TCL1A: variants seen among roughly 807,000 people sequenced by gnomAD.
TCL1A encodes the protein T-cell leukemia/lymphoma protein 1A.
Under a neutral mutation model 16.9 loss-of-function variants are expected in TCL1A, and 9 were observed. The observed-to-expected ratio is 0.53, with a 90% CI of 0.32 to 0.93. The LOEUF is 0.93. TCL1A is among the 40% of genes least tolerant of loss of function. TCL1A has a pLI of 0.04. For missense variants in TCL1A, 139 were observed against 153.0 expected, an observed-to-expected ratio of 0.91 and a Z score of 0.48; for synonymous variants, 69 against 63.2, an observed-to-expected ratio of 1.09 and a Z score of -0.44.
intron 1 of TCL1A, 77 bp downstream of exon 1, chr14:95,713,870 C>G (rs553861137): frequency 2.5e-6 from 4 of 1,584,688 alleles, no homozygotes; most frequent in Non-Finnish European, 3.4e-6. Flanking sequence ...TCCTTGAGTC[C>G]TCGCCCTTCC....
rs529737544 is a variant in TCL1A at position 95,713,934 on chromosome 14, A to C, written c.120+13T>G. The C allele has an allele frequency of 1.2e-6, 2 of 1,612,972 alleles. No homozygotes were observed. The highest frequency in any genetic ancestry group is 1.7e-4 in the Middle Eastern group (1 of 6,060). ...CCCTGCTGCCTCGCCATCCGCTCCA[A>C]AGCTGGCTGTACCTCGATGGTTAAG... On this transcript the variant is annotated intron_variant, in intron 1 of 3. Coordinates refer to ENST00000402399, the MANE Select transcript of TCL1A (RefSeq NM_021966.3).
intron 1 of TCL1A, chr14:95,712,876 T>C (rs1033127469): frequency 1.8e-5 from 6 of 327,774 alleles, no homozygotes; most frequent in Admixed American, 8.3e-5. Context: ...TGCTAGTGGG[T>C]TATTTTTTGT....
intron 1 of TCL1A, chr14:95,712,628 C>T (rs1886390081): frequency 6.8e-7 from 1 of 1,477,346 alleles, no homozygotes; most frequent in South Asian, 1.2e-5. Flanking sequence ...TCTAGCCACC[C>T]AGACAGGGCC....
chr14:95,713,638 G>C, intron 1 of TCL1A, among the ~76,000 whole-genome samples: 1 of 152,302 alleles, frequency 6.6e-6, no homozygotes, highest in African/African-American at 2.4e-5. Flanking sequence ...GAGTCACTTA[G>C]AGATACCCAT....
chr14:95,713,778 C>G (rs1006407353), intron 1 of TCL1A, among the ~76,000 whole-genome samples, 169 bp downstream of exon 1: 1 of 152,218 alleles, frequency 6.6e-6, no homozygotes, highest in Admixed American at 6.5e-5. Flanking sequence ...TCTTCCCTGC[C>G]TGGAGAACTC....
At chr14:95,713,777 C>G (rs2139723757) in intron 1 of TCL1A, among the ~76,000 whole-genome samples, 170 bp downstream of exon 1, 1 of 152,322 alleles carries the variant, frequency 6.6e-6, no homozygotes, top group African/African-American at 2.4e-5. Flanking sequence ...TTCTTCCCTG[C>G]CTGGAGAACT....
At chr14:95,713,189 C>A (rs1886418454) in intron 1 of TCL1A, among the ~76,000 whole-genome samples, 1 of 151,926 alleles carries the variant, frequency 6.6e-6, no homozygotes, top group East Asian at 1.9e-4. Context: ...AGTTTCCCAT[C>A]TGTAGAGACA....
At position 95,714,089 on chromosome 14, in the gene TCL1A, A is replaced by T. The variant is rs376511499; in HGVS notation, c.-23T>A. 6.8e-5 allele frequency: 109 copies of T among 1,612,090 alleles called. No homozygotes were observed. Among genetic ancestry groups the T allele is most frequent in the Non-Finnish European group, 1.7e-5 (20 of 1,179,834 alleles). ...CATGGCGTCCTCGGGCCGCCTAAGA[A>T]GCAAGAGCCAGAGCCTCTCAAGGCC... On this transcript the variant is annotated 5_prime_UTR_variant, in exon 1 of 4. Coordinates refer to ENST00000402399, the MANE Select transcript of TCL1A (RefSeq NM_021966.3).
chr14:95,712,558 G>A, intron 1 of TCL1A, 162 bp from the exon 2 acceptor site: 4 of 1,477,256 alleles, frequency 2.7e-6, no homozygotes, highest in Non-Finnish European at 3.6e-6. Flanking sequence ...CACTTCCTTA[G>A]GCCATGCATG....
Position 95,713,954 on chromosome 14 carries a change from G to A in TCL1A, c.113C>T (p.Thr38Ile), listed in dbSNP as rs201228671. ...CTCCAAAGCTGGCTGTACCTCGATG[G>A]TTAAGGGCAGCCAGGCGTGCTGCTT... Reference protein sequence around the residue: ...DEKQHAWLPLTIEIKDRLQLR... With the variant: ...DEKQHAWLPLIIEIKDRLQLR... Residue 38 changes from threonine (T) to isoleucine (I), a missense_variant, in exon 1 of 4, where the codon ACC becomes ATC. This residue lies in a region of TCL1A where 94 missense variants were observed against 80.2 expected (regional missense o/e 1.17). Transcript: ENST00000402399. 5 of 1,613,754 alleles carry A rather than the reference G, an allele frequency of 3.1e-6. No homozygotes were observed. Among genetic ancestry groups the A allele is most frequent in the East Asian group, 2.2e-5 (1 of 44,868 alleles).
chr14:95,711,665 C>A, intron 3 of TCL1A, 84 bp downstream of exon 3: 1 of 1,506,252 alleles, frequency 6.6e-7, no homozygotes, highest in South Asian at 1.2e-5. Flanking sequence ...GAGGGGTTAG[C>A]ACTGCCTTCA....
At chr14:95,711,679 A>G in intron 3 of TCL1A, 70 bp downstream of exon 3, 1 of 1,554,020 alleles carries the variant, frequency 6.4e-7, no homozygotes, top group South Asian at 1.2e-5. Flanking sequence ...GCCTTCATGG[A>G]GAAGGGGTGG....
intron 1 of TCL1A, chr14:95,712,749 C>G: frequency 8.4e-7 from 1 of 1,196,982 alleles, no homozygotes; most frequent in Non-Finnish European, 1.1e-6. Context: ...TAAGACCAGC[C>G]TGGGTCACAG....
intron 3 of TCL1A, 181 bp downstream of exon 3, chr14:95,711,568 C>T: frequency 1.6e-6 from 1 of 615,666 alleles, no homozygotes; most frequent in Non-Finnish European, 2.8e-6. Flanking sequence ...CCTACAAAGC[C>T]CTTGGCTCCC....
chr14:95,713,700 T>TA (rs887965956), intron 1 of TCL1A, among the ~76,000 whole-genome samples: 3 of 152,174 alleles, frequency 2.0e-5, no homozygotes, highest in Non-Finnish European at 4.4e-5. Context: ...TAGTCAACAT[T>TA]ATAGTCACAC....
intron 1 of TCL1A, 105 bp from the exon 2 acceptor site, chr14:95,712,501 G>T (rs1886385453): frequency 1.3e-6 from 2 of 1,512,694 alleles, no homozygotes; most frequent in Non-Finnish European, 1.8e-6. Flanking sequence ...ACCCATCTGG[G>T]CAGGGGTCCG....
In TCL1A at chr14:95,714,006, A is replaced by G. The variant is rs1886492300; in HGVS notation, c.61T>C (p.Trp21Arg). 6.2e-7 allele frequency: 1 copy of G among 1,613,750 alleles called. No homozygotes were observed. The highest frequency in any genetic ancestry group is 1.7e-5 in the Admixed American group (1 of 59,990). ...TCGTCCAAATACACGAACTTCTCCC[A>G]GGCCCACAGGCGGTCCGGGTGGTCG... ...VTDHPDRLWA[W>R]EKFVYLDEKQ... Residue 21 changes from tryptophan to arginine, a missense_variant, in exon 1 of 4, where the codon TGG becomes CGG. Physicochemically the swap from Trp to Arg is moderately radical, Grantham distance 101. Coordinates refer to ENST00000402399, the MANE Select transcript of TCL1A (RefSeq NM_021966.3).
Position 95,711,747 on chromosome 14 carries a change from A to G in TCL1A, c.*6+2T>C, listed in dbSNP as rs1886358868. 6.2e-7 allele frequency: 1 copy of G among 1,613,072 alleles called. No homozygotes were observed. Among genetic ancestry groups the G allele is most frequent in the Non-Finnish European group, 8.5e-7 (1 of 1,179,872 alleles). On this transcript the variant is annotated splice_donor_variant, in intron 3 of 3. Coordinates refer to ENST00000402399, the MANE Select transcript of TCL1A (RefSeq NM_021966.3). LOFTEE classifies it low-confidence loss of function (3UTR_SPLICE). ...GAGGGGTCAGGCTCCAGTGGAGCTC[A>G]CCATACATCAGTCATCTGGCAGCAG...
Position 95,712,245 on chromosome 14 carries a change from A to G in TCL1A, c.272T>C (p.Phe91Ser). 1 of 1,614,148 alleles carries G rather than the reference A, an allele frequency of 6.2e-7. No homozygotes were observed. The highest frequency in any genetic ancestry group is 8.5e-7 in the Non-Finnish European group (1 of 1,180,040). ...CTTGATGTGGTACACTAAGCGCCAG[A>G]AACTGGAGTCTGAGGATCGGTATCG... ...DGRYRSSDSS[F>S]WRLVYHIKID... Residue 91 changes from phenylalanine (F) to serine (S), a missense_variant, in exon 2 of 4, where the codon TTC becomes TCC. By Grantham distance (155) the Phe-to-Ser change is radical (BLOSUM62 -2). Coordinates refer to ENST00000402399, the MANE Select transcript of TCL1A (RefSeq NM_021966.3).
Sources: gnomAD v4.1 joint callset for allele counts (sites outside exome capture counted in the v4.1 genomes callset) on GRCh38, gnomAD v4.1.1 for gene constraint, gnomAD v4.1.1 regional missense constraint, MANE v1.5 for transcripts, NCBI Gene and HGNC (gene_info 2026-07-23, HGNC 2026-07-21) for gene names.